The following TCF20 variants were observed in gnomAD, a reference collection of about 807,000 sequenced individuals.
TCF20 encodes transcription factor 20.
TCF20 carries 3 observed loss-of-function variants against 148.6 expected under a neutral mutation model. The ratio of observed to expected loss-of-function variants is 0.02; its 90% CI spans 0.01 to 0.05. The LOEUF is 0.05. Among genes scored for constraint, TCF20 ranks in the 10% least tolerant of loss-of-function variants. The probability of loss-of-function intolerance (pLI) is 1.00; values close to 1 mark genes in which losing one functional copy is unlikely to be tolerated. For missense variants in TCF20, 2,350 were observed against 2,429.3 expected (o/e 0.97, Z 0.69); for synonymous variants, 1,049 against 909.5 (o/e 1.15, Z -2.76).
chr22:42,246,981 A>G (rs982926621), intron 1 of TCF20, among the ~76,000 whole-genome samples: 6 of 151,476 alleles, frequency 4.0e-5, no homozygotes, highest in Admixed American at 2.0e-4. Flanking sequence ...ATTAAAAAAA[A>G]AAAAAAAAGG....
upstream of TCF20, among the ~76,000 whole-genome samples, chr22:42,284,967 A>G (rs86670): frequency 0.68 from 103,329 of 152,124 alleles, 35,512 homozygotes; most frequent in Non-Finnish European, 0.74. Flanking sequence ...CAGATCCTTG[A>G]CCTGAGCCGC....
At chr22:42,324,725 T>TCTCCACCATCTGAGAAAATAAC (rs1927842531) in intron 1 of TCF20, among the ~76,000 whole-genome samples, 1 of 152,180 alleles carries the variant, frequency 6.6e-6, no homozygotes, top group Non-Finnish European at 1.5e-5. Flanking sequence ...GAGAAAATAA[T>TCTCCACCATCTGAGAAAATAAC]CTCCACCATC....
upstream of TCF20, among the ~76,000 whole-genome samples, chr22:42,284,435 G>A (rs1393904289): frequency 2.0e-5 from 3 of 152,214 alleles, no homozygotes; most frequent in Admixed American, 6.5e-5. Flanking sequence ...ACCTTAGGTG[G>A]TCGTCACGAG....
At chr22:42,236,289 A>G (rs1413652171) in intron 1 of TCF20, among the ~76,000 whole-genome samples, 1 of 152,138 alleles carries the variant, frequency 6.6e-6, no homozygotes, top group African/African-American at 2.4e-5. Flanking sequence ...ATAAATAACT[A>G]CTGATTGGTG....
intron 1 of TCF20, among the ~76,000 whole-genome samples, chr22:42,222,959 C>A (rs748275797): frequency 6.6e-6 from 1 of 152,082 alleles, no homozygotes; most frequent in Non-Finnish European, 1.5e-5. Context: ...CCAGCATGGG[C>A]AACATAACAA....
At chr22:42,328,010 C>A (rs1408136587) in intron 1 of TCF20, among the ~76,000 whole-genome samples, 1 of 152,144 alleles carries the variant, frequency 6.6e-6, no homozygotes, top group Non-Finnish European at 1.5e-5. Context: ...AGGAAGCCTC[C>A]CTGACTTCCT....
chr22:42,198,022 A>C (rs532639941), intron 2 of TCF20, among the ~76,000 whole-genome samples: 1 of 152,222 alleles, frequency 6.6e-6, no homozygotes. Flanking sequence ...CAACAGCCAT[A>C]AATTTTTCTT....
chr22:42,244,531 A>G (rs1924745283), intron 1 of TCF20, among the ~76,000 whole-genome samples: 1 of 152,256 alleles, frequency 6.6e-6, no homozygotes, highest in South Asian at 2.1e-4. Context: ...GAAAGAAGTC[A>G]GACATGAAAG....
intron 1 of TCF20, among the ~76,000 whole-genome samples, chr22:42,229,294 C>T (rs1468207022): frequency 6.6e-6 from 1 of 152,002 alleles, no homozygotes; most frequent in African/African-American, 2.4e-5. Context: ...GGGCACCTAA[C>T]CTGTTTAAAC....
chr22:42,282,604 A>C (rs1386724553), intron 1 of TCF20, among the ~76,000 whole-genome samples: 1 of 152,228 alleles, frequency 6.6e-6, no homozygotes, highest in Non-Finnish European at 1.5e-5. Context: ...CTTGGGAAGC[A>C]GCTGCGGGCA....
chr22:42,251,920 T>C (rs568487905), intron 1 of TCF20, among the ~76,000 whole-genome samples: 237 of 152,208 alleles, frequency 1.6e-3, no homozygotes, highest in Non-Finnish European at 2.0e-3. Flanking sequence ...CTGTGTCTTT[T>C]AGGCCAGGCG....
chr22:42,265,658 C>T (rs1926246677), intron 1 of TCF20, among the ~76,000 whole-genome samples: 1 of 152,194 alleles, frequency 6.6e-6, no homozygotes, highest in South Asian at 2.1e-4. Flanking sequence ...TGAATGAGTA[C>T]TAAGGTGCCT....
At chr22:42,196,263 C>A (rs1454572311) in intron 2 of TCF20, among the ~76,000 whole-genome samples, 2 of 152,188 alleles carry the variant, frequency 1.3e-5, no homozygotes, top group Non-Finnish European at 2.9e-5. Flanking sequence ...CTGGGCAGCA[C>A]TTGCTGCCTG....
upstream of TCF20, among the ~76,000 whole-genome samples, chr22:42,288,778 G>A (rs1206890330): frequency 6.9e-6 from 1 of 145,462 alleles, no homozygotes; most frequent in Non-Finnish European, 1.5e-5. Flanking sequence ...TCTGTTCCTT[G>A]CCCATTACAC....
At chr22:42,319,305 T>G (rs1927690342) in intron 1 of TCF20, among the ~76,000 whole-genome samples, 1 of 152,148 alleles carries the variant, frequency 6.6e-6, no homozygotes, top group South Asian at 2.1e-4. Context: ...TCCACAGGCA[T>G]GGGGATCTGG....
chr22:42,269,540 G>A (rs1410722795), intron 1 of TCF20, among the ~76,000 whole-genome samples: 2 of 152,186 alleles, frequency 1.3e-5, no homozygotes, highest in African/African-American at 2.4e-5. Flanking sequence ...GCCTGAGAGG[G>A]ATCGGCCCGA....
chr22:42,217,173 T>TG (rs1354149276), intron 1 of TCF20, among the ~76,000 whole-genome samples: 2 of 152,170 alleles, frequency 1.3e-5, no homozygotes, highest in African/African-American at 2.4e-5. Flanking sequence ...CAAAGGCCCC[T>TG]GCTCCCACCC....
chr22:42,224,430 G>A (rs547910475), intron 1 of TCF20, among the ~76,000 whole-genome samples: 24 of 148,038 alleles, frequency 1.6e-4, no homozygotes, highest in African/African-American at 6.0e-4. Flanking sequence ...TCGCACCACT[G>A]CACTCCAGCC....
intron 1 of TCF20, among the ~76,000 whole-genome samples, chr22:42,257,722 A>G (rs1925817772): frequency 6.6e-6 from 1 of 152,208 alleles, no homozygotes; most frequent in African/African-American, 2.4e-5. Flanking sequence ...CCCAAAAGAT[A>G]AGAGAGATGA....
Sources: gnomAD v4.1 joint callset for allele counts (sites outside exome capture counted in the v4.1 genomes callset) on GRCh38, gnomAD v4.1.1 for gene constraint, MANE v1.5 for transcripts, NCBI Gene and HGNC (gene_info 2026-07-23, HGNC 2026-07-21) for gene names.